The following CHD3 variants were observed in gnomAD, a reference collection of about 807,000 sequenced individuals.
CHD3 encodes the protein ATP-dependent chromatin remodeler CHD3.
A neutral mutation model predicts 248.9 loss-of-function variants in CHD3; 52 were observed. The ratio of observed to expected loss-of-function variants is 0.21; its 90% CI spans 0.17 to 0.26. The LOEUF is 0.26. CHD3 is among the 10% of genes least tolerant of loss of function. The probability of loss-of-function intolerance (pLI) is 1.00; values close to 1 mark genes in which losing one functional copy is unlikely to be tolerated. For synonymous variants in CHD3, 985 were observed against 985.2 expected (o/e 1.00, Z 0.00); for missense variants, 1,482 against 2,605.8 (o/e 0.57, Z 9.39).
At position 7,908,724 on chromosome 17, in the gene CHD3, C is replaced by G; in HGVS notation, c.5289C>G (p.Ile1763Met). 1 of 1,614,138 alleles carries G rather than the reference C, an allele frequency of 6.2e-7. No homozygotes were observed. Among genetic ancestry groups the G allele is most frequent in the Non-Finnish European group, 8.5e-7 (1 of 1,180,030 alleles). The change falls in exon 36 of 40, where the codon ATC becomes ATG. Residue 1763 changes from isoleucine to methionine, a missense_variant. This residue lies in a region of CHD3 where 36 missense variants were observed against 70.4 expected (regional missense o/e 0.51). Coordinates refer to ENST00000330494, the MANE Select transcript of CHD3 (RefSeq NM_001005273.3). The surrounding 1 kb of genome is among the most constrained non-coding windows in gnomAD (Gnocchi z 5.8). ...VLHGYARWQDIQNDAQFAIIN... is the reference protein window; with the variant it reads ...VLHGYARWQDMQNDAQFAIIN... ...ATGGCTATGCACGGTGGCAGGACAT[C>G]CAGAATGATGCTCAATTTGCCATTA...
At position 7,912,087 on chromosome 17, in the gene CHD3, G is replaced by A. The variant is rs1434924529; in HGVS notation, c.*502G>A. ...CTGGGAGGGAGGAAGGGACGAGGAG[G>A]GGTGGCTGCATGTTACCGTCCCCTA... On this transcript the variant is annotated 3_prime_UTR_variant, in exon 40 of 40. Coordinates refer to ENST00000330494, the MANE Select transcript of CHD3 (RefSeq NM_001005273.3). The A allele has an allele frequency of 3.8e-6, 1 of 260,946 alleles. No homozygotes were observed. Among genetic ancestry groups the A allele is most frequent in the African/African-American group, 2.3e-5 (1 of 43,132 alleles). The allele number at this position is 260,946 out of a possible 1,614,324, so 16.2% of individuals were successfully genotyped here.
Position 7,889,091 on chromosome 17 carries a change from A to G in CHD3, c.91A>G (p.Arg31Gly). Residue 31 changes from arginine (R) to glycine (G), a missense_variant, in exon 1 of 40, where the codon AGG becomes GGG. This residue lies in a region of CHD3 where 169 missense variants were observed against 168.1 expected (regional missense o/e 1.01). Transcript: ENST00000330494. The surrounding 1 kb of genome is among the most constrained non-coding windows in gnomAD (Gnocchi z 4.5). ...SFPPGLCWGD[R>G]MPDKDDIRLL... ...TCCTCCAGGACTGTGTTGGGGTGAC[A>G]GGATGCCTGGTAATTATCCGAGGAA... 6.2e-7 allele frequency: 1 copy of G among 1,614,218 alleles called. No individual in the cohort carries two copies. The highest frequency in any genetic ancestry group is 8.5e-7 in the Non-Finnish European group (1 of 1,180,010).
chr17:7,906,964 T>C lies in CHD3; in HGVS notation c.4599T>C (p.Ser1533=). The change falls in exon 30 of 40, where the codon TCT becomes TCC. Residue 1533 remains serine, a synonymous_variant. Transcript: ENST00000330494. The surrounding 1 kb of genome is among the most constrained non-coding windows in gnomAD (Gnocchi z 5.0). ...CTAAGCGCTCCTCCAGAGCCTCCTC[T>C]CCTACCAAAACGTCTCCCACCACTC... ...ADSKRSSRAS[S]PTKTSPTTPE... is the part of the protein sequence containing the mutation. The C allele has an allele frequency of 6.2e-7, 1 of 1,614,098 alleles. No individual in the cohort carries two copies. Among genetic ancestry groups the C allele is most frequent in the Non-Finnish European group, 8.5e-7 (1 of 1,180,008 alleles).
Position 7,911,090 on chromosome 17 carries a change from GT to G in CHD3, c.5881+121del. On this transcript the variant is annotated intron_variant, in intron 39 of 39. Transcript: ENST00000330494. The surrounding 1 kb of genome is among the most constrained non-coding windows in gnomAD (Gnocchi z 5.4). ...TCTCATTTCCTTGGTGGTATCCGGTGTTTTATGGGATAGAGTTGTTCTAGGC... is the reference window on the plus strand; with the variant it reads ...TCTCATTTCCTTGGTGGTATCCGGTGTTTATGGGATAGAGTTGTTCTAGGC... 2 of 1,418,360 alleles carry G rather than the reference GT, an allele frequency of 1.4e-6. No individual in the cohort carries two copies. Among genetic ancestry groups the G allele is most frequent in the Admixed American group, 4.1e-5 (2 of 49,238 alleles). The allele number at this position is 1,418,360 out of a possible 1,614,324, so 87.9% of individuals were successfully genotyped here.
Position 7,907,771 on chromosome 17 carries a change from G to A in CHD3, c.5026+69G>A, listed in dbSNP as rs112540267. 4.5e-5 allele frequency: 68 copies of A among 1,502,502 alleles called. 1 individual carries two copies. The African/African-American group carries it at 6.4e-4, about 14-fold the overall frequency. 93.1% of individuals were successfully genotyped at this position (1,502,502 alleles called of 1,614,324 possible). Reference sequence around the variant, plus strand: ...CAGGGGAGGTGGAGTCTGGGGAACCGAATGCTTGGGTCCTGGGCGGGTAGC... The same window carrying A: ...CAGGGGAGGTGGAGTCTGGGGAACCAAATGCTTGGGTCCTGGGCGGGTAGC... On this transcript the variant is annotated intron_variant, in intron 33 of 39. Transcript: ENST00000330494. This position sits in a 1 kb window ranked among gnomAD's most constrained non-coding sequence, Gnocchi z 4.3.
chr17:7,887,786 C>T (rs572975258), upstream of CHD3, among the ~76,000 whole-genome samples: 2 of 152,308 alleles, frequency 1.3e-5, no homozygotes, highest in Admixed American at 6.5e-5. Flanking sequence ...GAGATCCGAG[C>T]CGGGGATGTG....
rs1971019962 is a variant in CHD3, at chr17:7,906,824, A to T, written c.4504-45A>T. 2.5e-6 allele frequency: 4 copies of T among 1,609,486 alleles called. No individual in the cohort carries two copies. The highest frequency in any genetic ancestry group is 3.4e-6 in the Non-Finnish European group (4 of 1,177,288). ...GAGGAGACTGGAGCTTCCTGTCTGT[A>T]AGCGCCTGGAGCTGACACCTAACCC... On this transcript the variant is annotated intron_variant, in intron 29 of 39. Coordinates refer to ENST00000330494, the MANE Select transcript of CHD3 (RefSeq NM_001005273.3). This position sits in a 1 kb window ranked among gnomAD's most constrained non-coding sequence, Gnocchi z 5.0.
Position 7,893,939 on chromosome 17 carries a change from AGTGACCC to A in CHD3, c.924+7_924+13del, listed in dbSNP as rs1355910227. 1 of 1,475,926 alleles carries A rather than the reference AGTGACCC, an allele frequency of 6.8e-7. No individual in the cohort carries two copies. Among genetic ancestry groups the A allele is most frequent in the Non-Finnish European group, 9.1e-7 (1 of 1,102,442 alleles). 91.4% of individuals were successfully genotyped at this position (1,475,926 alleles called of 1,614,324 possible). ...CAAGAGGAAGAAAGGAGGCTCGGTG[AGTGACCC>A]GTCCCTGTCTACTAAACACCTGGGG... On this transcript the variant is annotated splice_donor_5th_base_variant and intron_variant, in intron 6 of 39. Coordinates refer to ENST00000330494, the MANE Select transcript of CHD3 (RefSeq NM_001005273.3).
In CHD3 at chr17:7,889,899, C is replaced by A. The variant is rs957013329; in HGVS notation, c.213+123C>A. The A allele has an allele frequency of 1.1e-5, 10 of 870,876 alleles. No homozygotes were observed. Among genetic ancestry groups the A allele is most frequent in the African/African-American group, 1.7e-5 (1 of 58,990 alleles). 53.9% of individuals were successfully genotyped at this position (870,876 alleles called of 1,614,324 possible). On this transcript the variant is annotated intron_variant, in intron 2 of 39. Transcript: ENST00000330494. The surrounding 1 kb of genome is among the most constrained non-coding windows in gnomAD (Gnocchi z 4.5). ...GGTTCTGAAGCCAGGGAGGCTTGATCCCCCGGGCCCCCCACTTCCCTGCCA... is the reference window on the plus strand; with the variant it reads ...GGTTCTGAAGCCAGGGAGGCTTGATACCCCGGGCCCCCCACTTCCCTGCCA...
chr17:7,893,755 G>A (rs201043938), intron 5 of CHD3, 50 bp from the exon 6 acceptor site: 108 of 1,594,492 alleles, frequency 6.8e-5, no homozygotes, highest in Non-Finnish European at 9.1e-5. Flanking sequence ...ATAATTCCAG[G>A]ATGTCATGAC....
rs1228838190 is a variant in CHD3 at position 7,901,394 on chromosome 17, T to G, written c.3252+19T>G. 3.8e-6 allele frequency: 6 copies of G among 1,571,618 alleles called. No homozygotes were observed. Among genetic ancestry groups the G allele is most frequent in the Non-Finnish European group, 5.2e-6 (6 of 1,154,690 alleles). ...CTCGCAGGTGACCTGTGCCCTTAGCTGTCTTTACATCTGCTTCCTCTTCCC... is the reference window on the plus strand; with the variant it reads ...CTCGCAGGTGACCTGTGCCCTTAGCGGTCTTTACATCTGCTTCCTCTTCCC... On this transcript the variant is annotated intron_variant, in intron 20 of 39. Transcript: ENST00000330494.
In CHD3 at chr17:7,895,553, CT is replaced by C; in HGVS notation, c.1707+15del. 3 of 1,610,946 alleles carry C rather than the reference CT, an allele frequency of 1.9e-6. No individual in the cohort carries two copies. Among genetic ancestry groups the C allele is most frequent in the Non-Finnish European group, 2.5e-6 (3 of 1,177,342 alleles). ...GCCAAGGAGCTTCAGGTACTAGGAC[CT>C]TTTCTTTCCCTCTCCCCCATGACCT... On this transcript the variant is annotated intron_variant, in intron 10 of 39. Coordinates refer to ENST00000330494, the MANE Select transcript of CHD3 (RefSeq NM_001005273.3). This position sits in a 1 kb window ranked among gnomAD's most constrained non-coding sequence, Gnocchi z 4.9.
In CHD3 at chr17:7,905,067, T is replaced by G; in HGVS notation, c.4073-33T>G. 2 of 1,606,084 alleles carry G rather than the reference T, an allele frequency of 1.2e-6. No homozygotes were observed. Among genetic ancestry groups the G allele is most frequent in the South Asian group, 1.1e-5 (1 of 90,872 alleles). On this transcript the variant is annotated intron_variant, in intron 25 of 39. Coordinates refer to ENST00000330494, the MANE Select transcript of CHD3 (RefSeq NM_001005273.3). This position sits in a 1 kb window ranked among gnomAD's most constrained non-coding sequence, Gnocchi z 5.8. ...CAGCATGGGCATATCCCGAGAGCCCTCCCTGACCACTGGGCCCTTTCCACC... is the reference window on the plus strand; with the variant it reads ...CAGCATGGGCATATCCCGAGAGCCCGCCCTGACCACTGGGCCCTTTCCACC...
chr17:7,896,922 G>T (rs776230545), intron 10 of CHD3, among the ~76,000 whole-genome samples, 161 bp from the exon 11 acceptor site: 6 of 152,090 alleles, frequency 3.9e-5, no homozygotes, highest in Admixed American at 1.3e-4. Context: ...GCCTCCTAAA[G>T]CACTGGGATT....
rs1035042306 is a variant in CHD3 at position 7,907,065 on chromosome 17, A to G, written c.4666+34A>G. The G allele has an allele frequency of 6.2e-7, 1 of 1,613,818 alleles. No individual in the cohort carries two copies. Among genetic ancestry groups the G allele is most frequent in the Non-Finnish European group, 8.5e-7 (1 of 1,179,802 alleles). ...AAGTCAGGATGGTGGGAGAGACAGA[A>G]AGGGAGCCAGGAGTCAGGGCGGGAG... is the stretch of plus-strand genomic sequence containing the variant. On this transcript the variant is annotated intron_variant, in intron 30 of 39. Transcript: ENST00000330494. This position sits in a 1 kb window ranked among gnomAD's most constrained non-coding sequence, Gnocchi z 4.3.
chr17:7,884,881 A>C, upstream of CHD3: 4 of 1,214,424 alleles, frequency 3.3e-6, no homozygotes, highest in Non-Finnish European at 2.2e-6. Context: ...AAGAGGAGGA[A>C]GAAGAGGGCG....
rs372355101 is a variant in CHD3, at chr17:7,894,167, T to A, written c.977T>A (p.Leu326Gln). ...GAACCAGAGGCTGAGGAATCAGACCTGGACAGTGGCAGTGTCCACAGTGCC... is the reference window on the plus strand; with the variant it reads ...GAACCAGAGGCTGAGGAATCAGACCAGGACAGTGGCAGTGTCCACAGTGCC... ...GPEPEAEESD[L>Q]DSGSVHSASG... Residue 326 changes from leucine to glutamine, a missense_variant, in exon 7 of 40, where the codon CTG (leucine) becomes CAG (glutamine). Transcript: ENST00000330494. The A allele has an allele frequency of 1.6e-4, 254 of 1,614,060 alleles. 2 individuals carry two copies. The highest frequency in any genetic ancestry group is 1.2e-3 in the Middle Eastern group (7 of 6,084).
chr17:7,893,607 C>T lies in CHD3; in HGVS notation c.793+38C>T, dbSNP rs778872794. ...CTTCCAACAACTGTCATCTCACCTT[C>T]CAAACTGCATGTCTTCACATTAGAG... is the stretch of plus-strand genomic sequence containing the variant. On this transcript the variant is annotated intron_variant, in intron 5 of 39. Coordinates refer to ENST00000330494, the MANE Select transcript of CHD3 (RefSeq NM_001005273.3). 2.6e-6 allele frequency: 4 copies of T among 1,539,672 alleles called. No homozygotes were observed. In the African/African-American group the frequency reaches 4.1e-5, roughly 16 times the overall value.
intron 7 of CHD3, 61 bp from the exon 8 acceptor site, chr17:7,894,354 C>T: frequency 1.3e-6 from 2 of 1,586,508 alleles, no homozygotes; most frequent in African/African-American, 1.3e-5. Context: ...AACCCTTCTC[C>T]CTCTCTCTCT....
Sources: gnomAD v4.1 joint callset for allele counts (sites outside exome capture counted in the v4.1 genomes callset) on GRCh38, gnomAD v4.1.1 for gene constraint, gnomAD v4.1.1 regional missense constraint, Gnocchi (gnomAD v3.1) non-coding constraint, MANE v1.5 for transcripts, NCBI Gene and HGNC (gene_info 2026-07-23, HGNC 2026-07-21) for gene names.